SLC7A11: variants seen among roughly 807,000 people sequenced by gnomAD.
SLC7A11 encodes the protein solute carrier family 7 member 11.
A neutral mutation model predicts 54.5 loss-of-function variants in SLC7A11; 35 were observed. The ratio of observed to expected loss-of-function variants is 0.64; its 90% confidence interval spans 0.49 to 0.85. SLC7A11 has a LOEUF of 0.85. Among genes scored for constraint, SLC7A11 ranks in the 40% least tolerant of loss-of-function variants. The probability of loss-of-function intolerance (pLI) is 0.00; values close to 1 mark genes in which losing one functional copy is unlikely to be tolerated. For synonymous variants in SLC7A11, 230 were observed against 225.2 expected (o/e 1.02, Z -0.19); for missense variants, 583 against 618.1 (o/e 0.94, Z 0.60).
chr4:138,237,895 G>A (rs1360083810), intron 1 of SLC7A11, among the ~76,000 whole-genome samples: 2 of 149,338 alleles, frequency 1.3e-5, no homozygotes, highest in African/African-American at 4.9e-5. Flanking sequence ...GGGATTAGAG[G>A]TGCCTGCCAG....
At chr4:138,208,541 T>C (rs970749917) in intron 6 of SLC7A11, among the ~76,000 whole-genome samples, 1 of 152,062 alleles carries the variant, frequency 6.6e-6, no homozygotes, top group South Asian at 2.1e-4. Context: ...ACAAAAGTCA[T>C]GTCATAAGGC....
intron 6 of SLC7A11, among the ~76,000 whole-genome samples, chr4:138,192,673 C>T (rs1453441995): frequency 6.6e-6 from 1 of 151,926 alleles, no homozygotes; most frequent in East Asian, 1.9e-4. Context: ...ATGAGACAAG[C>T]ATATGATATA....
intron 6 of SLC7A11, among the ~76,000 whole-genome samples, chr4:138,192,855 C>G (rs895645364): frequency 6.6e-6 from 1 of 152,098 alleles, no homozygotes; most frequent in Non-Finnish European, 1.5e-5. Flanking sequence ...TGAAAACTGC[C>G]ACCCATCCAA....
intron 5 of SLC7A11, among the ~76,000 whole-genome samples, chr4:138,216,979 G>C (rs921533347): frequency 6.6e-6 from 1 of 152,088 alleles, no homozygotes; most frequent in Non-Finnish European, 1.5e-5. Context: ...CCTCTCTTTG[G>C]AATTCTTTTA....
At chr4:138,194,205 T>C (rs901836400) in intron 6 of SLC7A11, among the ~76,000 whole-genome samples, 1 of 152,102 alleles carries the variant, frequency 6.6e-6, no homozygotes, top group Admixed American at 6.6e-5. Context: ...AGACTCCTGG[T>C]TGGAACAGTT....
intron 11 of SLC7A11, among the ~76,000 whole-genome samples, chr4:138,175,293 T>C (rs1333230474): frequency 6.6e-6 from 1 of 152,176 alleles, no homozygotes; most frequent in African/African-American, 2.4e-5. Context: ...CCCAGTCTGA[T>C]TTTTTATAAT....
chr4:138,235,955 C>T (rs1001741381), intron 2 of SLC7A11, among the ~76,000 whole-genome samples: 2 of 152,090 alleles, frequency 1.3e-5, no homozygotes, highest in Admixed American at 6.5e-5. Flanking sequence ...ATATAATCTA[C>T]AATAAGAGAA....
In SLC7A11 at chr4:138,165,133, A is replaced by AAGTT. The variant is rs1736224792; in HGVS notation, c.*6819_*6822dup. Reference sequence around the variant, plus strand: ...TTCTACCCCTTGGCAACTGAAAATGAAGTTACCATTCCTAGGCCAAATTTT... The same window carrying AAGTT: ...TTCTACCCCTTGGCAACTGAAAATGAAGTTAGTTACCATTCCTAGGCCAAATTTT... On this transcript the variant is annotated 3_prime_UTR_variant, in exon 12 of 12. Transcript: ENST00000280612. 6.5e-6 allele frequency: 1 copy of AAGTT among 152,736 alleles called. No individual in the cohort carries two copies. Among genetic ancestry groups the AAGTT allele is most frequent in the African/African-American group, 2.4e-5 (1 of 41,588 alleles). 9.5% of individuals were successfully genotyped at this position (152,736 alleles called of 1,614,324 possible). A position where few individuals can be genotyped will look rare whatever the true frequency, so the allele number is the denominator to read the frequency against.
intron 6 of SLC7A11, among the ~76,000 whole-genome samples, chr4:138,213,405 C>G (rs1737599004): frequency 6.6e-6 from 1 of 152,026 alleles, no homozygotes; most frequent in Non-Finnish European, 1.5e-5. Flanking sequence ...ATTTCCTAGT[C>G]TATCTTAGTG....
Position 138,169,040 on chromosome 4 carries a change from TA to T in SLC7A11, c.*2915del, listed in dbSNP as rs1736341828. On this transcript the variant is annotated 3_prime_UTR_variant, in exon 12 of 12. Coordinates refer to ENST00000280612, the MANE Select transcript of SLC7A11 (RefSeq NM_014331.4). The stretch of plus-strand genomic sequence containing the variant: ...TTTGAGAATCCATCCCCACAAAAAT[TA>T]AAAAATACTATATTAGTTATTTTAA... 2 of 152,084 alleles carry T rather than the reference TA, an allele frequency of 1.3e-5. No homozygotes were observed. Among genetic ancestry groups the T allele is most frequent in the African/African-American group, 4.8e-5 (2 of 41,444 alleles). 9.4% of individuals were successfully genotyped at this position (152,084 alleles called of 1,614,324 possible).
chr4:138,210,294 G>T (rs1468569814), intron 6 of SLC7A11, among the ~76,000 whole-genome samples: 1 of 151,842 alleles, frequency 6.6e-6, no homozygotes, highest in Admixed American at 6.6e-5. Flanking sequence ...AAAAACCCAA[G>T]AAGAAAACCT....
intron 6 of SLC7A11, among the ~76,000 whole-genome samples, chr4:138,211,182 T>C (rs2148436375): frequency 1.3e-5 from 2 of 151,726 alleles, no homozygotes; most frequent in South Asian, 4.2e-4. Context: ...AATTGGGAGG[T>C]AAACATTGGG....
intron 6 of SLC7A11, among the ~76,000 whole-genome samples, chr4:138,195,008 GC>G (rs1737097757): frequency 6.6e-6 from 1 of 152,176 alleles, no homozygotes; most frequent in African/African-American, 2.4e-5. Context: ...AGAATAGGAT[GC>G]CAACTTTACA....
chr4:138,237,737 A>AT (rs1169641615), intron 1 of SLC7A11, among the ~76,000 whole-genome samples: 3 of 9,832 alleles, frequency 3.1e-4, no homozygotes, highest in Admixed American at 2.7e-3. Flanking sequence ...ATATATATAT[A>AT]TTTTTTTTTT....
chr4:138,185,118 T>C lies in SLC7A11; in HGVS notation c.915+3A>G, dbSNP rs762507411. 6.2e-7 allele frequency: 1 copy of C among 1,612,650 alleles called. No homozygotes were observed. The highest frequency in any genetic ancestry group is 1.1e-5 in the South Asian group (1 of 91,060). ...AATTGGCATTTTCCCAACTTGGACT[T>C]ACCACTGCCACTGCATTTGAAAGCA... On this transcript the variant is annotated splice_donor_region_variant and intron_variant, in intron 7 of 11. Transcript: ENST00000280612.
chr4:138,211,704 T>A (rs1211955384), intron 6 of SLC7A11, among the ~76,000 whole-genome samples: 2 of 151,882 alleles, frequency 1.3e-5, no homozygotes, highest in African/African-American at 4.8e-5. Context: ...ATTCATTCAA[T>A]AAAAGAATGA....
chr4:138,237,925 G>A (rs1187232409), intron 1 of SLC7A11, among the ~76,000 whole-genome samples: 1 of 147,072 alleles, frequency 6.8e-6, no homozygotes, highest in Non-Finnish European at 1.5e-5. Flanking sequence ...CTAATTTTTT[G>A]TATTTTTAGT....
intron 6 of SLC7A11, among the ~76,000 whole-genome samples, chr4:138,199,106 C>T (rs747208636): frequency 2.0e-5 from 3 of 152,050 alleles, no homozygotes; most frequent in African/African-American, 2.4e-5. Context: ...CAAGTAAATA[C>T]ATTATATAAC....
At chr4:138,173,938 G>A (rs1736502177) in intron 11 of SLC7A11, among the ~76,000 whole-genome samples, 1 of 152,088 alleles carries the variant, frequency 6.6e-6, no homozygotes, top group Admixed American at 6.6e-5. Context: ...TTAATAAATA[G>A]TAAAGAAAAT....
Sources: gnomAD v4.1 joint callset for allele counts (sites outside exome capture counted in the v4.1 genomes callset) on GRCh38, gnomAD v4.1.1 for gene constraint, MANE v1.5 for transcripts, NCBI Gene and HGNC (gene_info 2026-07-23, HGNC 2026-07-21) for gene names.